Variants in MICU2 observed in about 807,000 individuals in gnomAD.
MICU2 encodes mitochondrial calcium uptake 2, also known as calcium uptake protein 2, mitochondrial.
Under a neutral mutation model 60.4 loss-of-function variants are expected in MICU2, and 64 were observed. The ratio of observed to expected loss-of-function variants is 1.06; its 90% CI spans 0.87 to 1.31. The LOEUF is 1.31. MICU2 is among the 50% of genes most tolerant of loss of function. The pLI is 0.00. For synonymous variants in MICU2, 201 were observed against 175.0 expected (o/e 1.15, Z -1.17); for missense variants, 569 against 531.0 (o/e 1.07, Z -0.70).
Position 21,541,252 on chromosome 13 carries a change from T to TA in MICU2, c.359-1565dup, listed in dbSNP as rs34173867. 1.9e-3 allele frequency among the ~76,000 whole-genome samples: 281 copies of TA among 147,752 alleles called. 3 individuals are homozygous for TA. The highest frequency in any genetic ancestry group is 6.3e-3 in the African/African-American group (257 of 40,556). On this transcript the variant is annotated intron_variant, in intron 2 of 11. Transcript: ENST00000382374. ...CCTTTTTGGTCTTTCAAAAATCTGT[T>TA]AAAAAAAAAAATCCTTCTACTTGAA...
intron 2 of MICU2, among the ~76,000 whole-genome samples, chr13:21,563,454 CA>C (rs199787662): frequency 0.03 from 4,210 of 138,350 alleles, 173 homozygotes; most frequent in African/African-American, 0.1. Context: ...GACTTTGTCT[CA>C]AAAAAAAAAA....
chr13:21,573,483 A>G (rs1453555931), intron 1 of MICU2, among the ~76,000 whole-genome samples: 2 of 152,164 alleles, frequency 1.3e-5, no homozygotes, highest in Non-Finnish European at 2.9e-5. Context: ...CGTCTTAGCC[A>G]GGATGGTCTT....
intron 4 of MICU2, among the ~76,000 whole-genome samples, chr13:21,538,278 A>T (rs548357696): frequency 3.3e-4 from 49 of 147,632 alleles, no homozygotes; most frequent in Admixed American, 8.8e-4. Context: ...CAAAAATATT[A>T]AAAAAAAAAG....
At chr13:21,545,749 A>T (rs541963576) in intron 2 of MICU2, among the ~76,000 whole-genome samples, 2 of 152,244 alleles carry the variant, frequency 1.3e-5, no homozygotes, top group African/African-American at 4.8e-5. Flanking sequence ...GGTGGGAGGA[A>T]GAGAGGGATA....
intron 1 of MICU2, among the ~76,000 whole-genome samples, chr13:21,593,426 T>C (rs561365722): frequency 1.3e-5 from 2 of 151,650 alleles, no homozygotes; most frequent in South Asian, 2.1e-4. Context: ...ATTGTAAAAA[T>C]GACCAGACTG....
intron 1 of MICU2, among the ~76,000 whole-genome samples, chr13:21,575,030 C>T (rs1320641856): frequency 6.6e-6 from 1 of 152,214 alleles, no homozygotes; most frequent in Non-Finnish European, 1.5e-5. Context: ...GCTCTAGGAA[C>T]TACTCTCTCT....
At chr13:21,526,722 A>G (rs1216171738) in intron 4 of MICU2, among the ~76,000 whole-genome samples, 1 of 152,132 alleles carries the variant, frequency 6.6e-6, no homozygotes, top group African/African-American at 2.4e-5. Context: ...TGTGGTATAA[A>G]TGGGAAAGCT....
intron 1 of MICU2, among the ~76,000 whole-genome samples, chr13:21,595,550 C>A (rs1888674627): frequency 6.6e-6 from 1 of 152,248 alleles, no homozygotes; most frequent in South Asian, 2.1e-4. Flanking sequence ...ACACAACCCA[C>A]CAGGCTGCAG....
At chr13:21,601,786 A>C (rs1888821208) in intron 1 of MICU2, among the ~76,000 whole-genome samples, 1 of 152,194 alleles carries the variant, frequency 6.6e-6, no homozygotes, top group African/African-American at 2.4e-5. Context: ...TGTGACTATA[A>C]AAGGCTCTGA....
At chr13:21,545,390 G>C (rs1340657447) in intron 2 of MICU2, among the ~76,000 whole-genome samples, 5 of 152,156 alleles carry the variant, frequency 3.3e-5, no homozygotes, top group African/African-American at 1.2e-4. Flanking sequence ...GCTAAAAAAA[G>C]TTTATCTCAG....
intron 2 of MICU2, among the ~76,000 whole-genome samples, chr13:21,565,456 G>A (rs1887957102): frequency 6.6e-6 from 1 of 152,138 alleles, no homozygotes; most frequent in African/African-American, 2.4e-5. Context: ...AGGGGATTGA[G>A]ACCATCCTGG....
intron 4 of MICU2, among the ~76,000 whole-genome samples, chr13:21,523,383 T>C (rs558855441): frequency 1.8e-4 from 27 of 152,388 alleles, no homozygotes; most frequent in African/African-American, 6.3e-4. Flanking sequence ...CATGGCACTT[T>C]AGTTACTTCT....
At chr13:21,502,228 T>TTATC (rs112990001) in intron 9 of MICU2, among the ~76,000 whole-genome samples, 7,630 of 152,174 alleles carry the variant, frequency 0.05, 631 homozygotes, top group African/African-American at 0.17. Flanking sequence ...CTGCAATTTA[T>TTATC]TTTTTTCTTA....
At chr13:21,578,800 C>T (rs1478067599) in intron 1 of MICU2, among the ~76,000 whole-genome samples, 1 of 152,078 alleles carries the variant, frequency 6.6e-6, no homozygotes, top group Non-Finnish European at 1.5e-5. Context: ...TTGCTAATTA[C>T]TTTAGATTTT....
intron 1 of MICU2, among the ~76,000 whole-genome samples, chr13:21,596,249 G>A (rs1490658841): frequency 1.3e-5 from 2 of 152,118 alleles, no homozygotes; most frequent in African/African-American, 4.8e-5. Flanking sequence ...TGGGCTGAAA[G>A]AAGGGGAGAT....
At chr13:21,537,748 G>A (rs1326960319) in intron 4 of MICU2, among the ~76,000 whole-genome samples, 1 of 152,034 alleles carries the variant, frequency 6.6e-6, no homozygotes, top group Non-Finnish European at 1.5e-5. Flanking sequence ...CCAAAGTGCT[G>A]GGATTACAGG....
At chr13:21,570,471 C>T (rs928633781) in intron 1 of MICU2, among the ~76,000 whole-genome samples, 2 of 152,024 alleles carry the variant, frequency 1.3e-5, no homozygotes, top group African/African-American at 4.8e-5. Context: ...TGATCAAATC[C>T]CAGACTTGAT....
chr13:21,507,134 T>C (rs1302594218), intron 8 of MICU2, among the ~76,000 whole-genome samples: 1 of 152,206 alleles, frequency 6.6e-6, no homozygotes, highest in African/African-American at 2.4e-5. Context: ...AAATTTCATT[T>C]TTAAAGTTTT....
chr13:21,551,526 C>T, intron 2 of MICU2: 2 of 151,720 alleles, frequency 1.3e-5, no homozygotes, highest in Non-Finnish European at 2.9e-5. Flanking sequence ...CATGTTGGTG[C>T]ACTGCACCCA....
Sources: allele counts gnomAD v4.1 joint callset (sites outside exome capture counted in the v4.1 genomes callset), GRCh38; gene constraint gnomAD v4.1.1; transcripts MANE v1.5; gene names NCBI Gene and HGNC (gene_info 2026-07-23, HGNC 2026-07-21).